The following CPXM2 variants were observed in gnomAD, a reference collection of about 807,000 sequenced individuals.
The protein encoded by CPXM2 is inactive carboxypeptidase-like protein X2.
Under a neutral mutation model 86.1 loss-of-function variants are expected in CPXM2, and 66 were observed. The observed-to-expected ratio is 0.77, with a 90% CI of 0.63 to 0.94. CPXM2 has a LOEUF of 0.94. CPXM2 is among the 40% of genes least tolerant of loss of function. CPXM2 has a pLI of 0.00. For missense variants in CPXM2, 948 were observed against 1,026.3 expected (o/e 0.92, Z 1.04); for synonymous variants, 388 against 400.2 (o/e 0.97, Z 0.36).
At chr10:123,811,110 C>G (rs1342072074) in intron 4 of CPXM2, among the ~76,000 whole-genome samples, 1 of 150,720 alleles carries the variant, frequency 6.6e-6, no homozygotes, top group South Asian at 2.1e-4. Flanking sequence ...GGACCCTATA[C>G]CTAACATTTT....
At chr10:123,937,488 CACACACACACACACACACA>C (rs923880872) in intron 2 of CPXM2, among the ~76,000 whole-genome samples, 1 of 115,462 alleles carries the variant, frequency 8.7e-6, no homozygotes, top group African/African-American at 4.3e-5. Context: ...CACACACACA[CACACACACACACACACACA>C]CACACACACA....
chr10:123,847,590 T>C (rs1848522224), intron 3 of CPXM2, among the ~76,000 whole-genome samples: 1 of 152,124 alleles, frequency 6.6e-6, no homozygotes, highest in African/African-American at 2.4e-5. Flanking sequence ...GAGTTTCCAG[T>C]AGCTGTGCCA....
intron 6 of CPXM2, among the ~76,000 whole-genome samples, chr10:123,797,527 T>C (rs1847358275): frequency 6.6e-6 from 1 of 152,202 alleles, no homozygotes; most frequent in African/African-American, 2.4e-5. Flanking sequence ...TATTCTACCA[T>C]AGACATGTAT....
intron 4 of CPXM2, among the ~76,000 whole-genome samples, chr10:123,803,117 C>CTTTTTTTTTTT (rs1564776992): frequency 1.6e-5 from 1 of 60,988 alleles, no homozygotes; most frequent in Non-Finnish European, 4.6e-5. Flanking sequence ...TTTGTAGTAC[C>CTTTTTTTTTTT]CTTTTTTTTT....
intron 8 of CPXM2, among the ~76,000 whole-genome samples, 165 bp from the exon 9 acceptor site, chr10:123,768,887 T>C (rs1398629838): frequency 6.6e-6 from 1 of 152,216 alleles, no homozygotes; most frequent in East Asian, 1.9e-4. Context: ...AGGACAACTG[T>C]CTTATTCCCA....
intron 3 of CPXM2, among the ~76,000 whole-genome samples, chr10:123,854,358 A>ATATATATATAT (rs1482686215): frequency 8.4e-6 from 1 of 118,810 alleles, no homozygotes; most frequent in African/African-American, 3.9e-5. Context: ...ATATATATAT[A>ATATATATATAT]AAAATATATA....
upstream of CPXM2, among the ~76,000 whole-genome samples, chr10:123,941,061 C>T (rs1418867989): frequency 1.3e-5 from 2 of 152,142 alleles, no homozygotes; most frequent in Non-Finnish European, 2.9e-5. Context: ...GTCCCAGCTA[C>T]TCGGGAGGCT....
chr10:123,895,112 CTTTTTTTTCTTTTTTT>C (rs772587505), upstream of CPXM2, among the ~76,000 whole-genome samples: 8,228 of 111,398 alleles, frequency 0.074, 320 homozygotes, highest in East Asian at 0.23. Flanking sequence ...TTTTTTTTTT[CTTTTTTTTCTTTTTTT>C]TTTTTTTTTT....
At chr10:123,910,333 A>G (rs1031830840) in intron 2 of CPXM2, among the ~76,000 whole-genome samples, 10 of 152,084 alleles carry the variant, frequency 6.6e-5, no homozygotes, top group Admixed American at 5.2e-4. Flanking sequence ...TGGAGGTAGG[A>G]TTCTTTGTCA....
chr10:123,874,381 C>T (rs1219073894), intron 2 of CPXM2, among the ~76,000 whole-genome samples: 1 of 102,408 alleles, frequency 9.8e-6, no homozygotes, highest in Non-Finnish European at 2.8e-5. Flanking sequence ...CCGCCCCAAC[C>T]ACACACACAC....
At chr10:123,909,298 G>A (rs1017907531) in intron 2 of CPXM2, among the ~76,000 whole-genome samples, 4 of 152,272 alleles carry the variant, frequency 2.6e-5, no homozygotes, top group South Asian at 2.1e-4. Flanking sequence ...GGGGGGACTC[G>A]CCCTCAGCAA....
At chr10:123,850,923 G>A (rs1473814477) in intron 3 of CPXM2, among the ~76,000 whole-genome samples, 1 of 152,138 alleles carries the variant, frequency 6.6e-6, no homozygotes, top group African/African-American at 2.4e-5. Context: ...CTATTATACT[G>A]CCAAACAGGT....
intron 2 of CPXM2, among the ~76,000 whole-genome samples, chr10:123,903,802 C>A (rs1945406594): frequency 6.6e-6 from 1 of 152,212 alleles, no homozygotes; most frequent in Non-Finnish European, 1.5e-5. Flanking sequence ...GGAGCCAAAC[C>A]AATTAACTTT....
rs183780672 is a variant in CPXM2 at position 123,823,277 on chromosome 10, T to C, written c.653+19072A>G. 3.9e-4 allele frequency among the ~76,000 whole-genome samples: 59 copies of C among 152,286 alleles called. 1 individual carries two copies. In the East Asian group the frequency reaches 9.9e-3, roughly 25 times the overall value. On this transcript the variant is annotated intron_variant, in intron 4 of 13. Coordinates refer to ENST00000241305, the MANE Select transcript of CPXM2 (RefSeq NM_198148.3). ...GAATGGTGAATGGACAAGAGCCATG[T>C]AGAGGCCTGGGAACCAAATCAGTTC...
At chr10:123,783,564 G>T (rs958294870) in intron 6 of CPXM2, among the ~76,000 whole-genome samples, 2 of 152,164 alleles carry the variant, frequency 1.3e-5, no homozygotes, top group Non-Finnish European at 2.9e-5. Flanking sequence ...GGTAGGATGT[G>T]AGTGGGAGGT....
intron 2 of CPXM2, among the ~76,000 whole-genome samples, chr10:123,929,732 C>T (rs1472221313): frequency 1.3e-5 from 2 of 152,290 alleles, no homozygotes; most frequent in Admixed American, 6.5e-5. Context: ...AACCTGCTGC[C>T]CCTTTGGTGG....
At chr10:123,771,474 C>T (rs988276493) in intron 7 of CPXM2, among the ~76,000 whole-genome samples, 11 of 152,194 alleles carry the variant, frequency 7.2e-5, no homozygotes, top group Non-Finnish European at 1.3e-4. Flanking sequence ...GTTTGCCCAT[C>T]TGCCATGGGA....
At chr10:123,931,568 C>T (rs758464838) in intron 2 of CPXM2, 3 of 152,118 alleles carry the variant, frequency 2.0e-5, no homozygotes, top group African/African-American at 2.4e-5. Context: ...TTGTGAGAGA[C>T]ATTTGGCTTC....
At chr10:123,845,780 C>T (rs1238361625) in intron 3 of CPXM2, among the ~76,000 whole-genome samples, 1 of 151,922 alleles carries the variant, frequency 6.6e-6, no homozygotes, top group African/African-American at 2.4e-5. Context: ...AACTTCAAAA[C>T]ATCAGAAATA....
Sources: gnomAD v4.1 joint callset for allele counts (sites outside exome capture counted in the v4.1 genomes callset) on GRCh38, gnomAD v4.1.1 for gene constraint, MANE v1.5 for transcripts, NCBI Gene and HGNC (gene_info 2026-07-23, HGNC 2026-07-21) for gene names.